DMD: variants seen among roughly 807,000 people sequenced by gnomAD.
The protein encoded by DMD is mutant dystrophin.
DMD carries 63 observed loss-of-function variants against 330.1 expected under a neutral mutation model. The ratio of observed to expected loss-of-function variants is 0.19; its 90% CI spans 0.16 to 0.24. The LOEUF (loss-of-function observed/expected upper bound fraction) is 0.24, where lower values mean the gene tolerates loss of function less well. Among genes scored for constraint, DMD ranks in the 10% least tolerant of loss-of-function variants. The pLI is 1.00. For synonymous variants in DMD, 1,223 were observed against 959.8 expected, an observed-to-expected ratio of 1.27 and a Z score of -5.07; for missense variants, 3,344 against 2,684.1, an observed-to-expected ratio of 1.25 and a Z score of -5.43.
rs1253134683 is a variant in DMD, at chrX:32,787,224, G to GTA, written c.649+22268_649+22269insTA. 1.2e-3 allele frequency among the ~76,000 whole-genome samples: 116 copies of GTA among 98,513 alleles called. 1 individual carries two copies. The highest frequency in any genetic ancestry group is 2.0e-3 in the Non-Finnish European group (98 of 47,928). 85.5% of individuals were successfully genotyped at this position (98,513 alleles called of 115,157 possible). On this transcript the variant is annotated intron_variant, in intron 7 of 78. Transcript: ENST00000357033. ...CAATCTCTCTGTCAAGTGTGTGTGTGTGTGTGTGTGTGTGTGTGTGTGTGA... is the reference window on the plus strand; with the variant it reads ...CAATCTCTCTGTCAAGTGTGTGTGTGTATGTGTGTGTGTGTGTGTGTGTGTGA...
intron 13 of DMD, among the ~76,000 whole-genome samples, chrX:32,588,830 T>G (rs188487390): frequency 8.9e-6 from 1 of 111,813 alleles, no homozygotes; most frequent in Admixed American, 9.5e-5. Flanking sequence ...CAGGGATGAA[T>G]TTGGGGATGA....
intron 52 of DMD, among the ~76,000 whole-genome samples, chrX:31,722,958 G>A (rs1485406502): frequency 9.0e-6 from 1 of 110,528 alleles, no homozygotes; most frequent in African/African-American, 3.3e-5. Flanking sequence ...TGAGGCAAGA[G>A]AATAGCTTGA....
intron 55 of DMD, among the ~76,000 whole-genome samples, chrX:31,575,967 A>C (rs971702449): frequency 4.5e-5 from 5 of 112,142 alleles, no homozygotes; most frequent in African/African-American, 1.6e-4. Flanking sequence ...ATTAGCCACT[A>C]GTTACAGAGA....
At chrX:31,298,870 G>A (rs11797956) in intron 62 of DMD, among the ~76,000 whole-genome samples, 36,880 of 111,116 alleles carry the variant, frequency 0.33, 5,547 homozygotes, top group African/African-American at 0.58. Flanking sequence ...AAAATTCTAT[G>A]TAGACTTAGA....
At chrX:31,127,209 TG>T (rs2033842101) in intron 77 of DMD, among the ~76,000 whole-genome samples, 1 of 111,929 alleles carries the variant, frequency 8.9e-6, no homozygotes, top group Admixed American at 9.5e-5. Context: ...ATGATGAAAT[TG>T]GAGGCATTTG....
intron 7 of DMD, among the ~76,000 whole-genome samples, chrX:32,730,250 C>T (rs768988092): frequency 4.3e-4 from 48 of 112,296 alleles, no homozygotes; most frequent in African/African-American, 1.5e-3. Flanking sequence ...GGAGGCTGAG[C>T]TAGAAGGATC....
chrX:32,717,446 A>T (rs757007294), intron 7 of DMD, among the ~76,000 whole-genome samples: 120 of 111,844 alleles, frequency 1.1e-3, no homozygotes, highest in African/African-American at 3.8e-3. Flanking sequence ...AAGTGTGCAG[A>T]GTGTGAGAGT....
intron 52 of DMD, among the ~76,000 whole-genome samples, chrX:31,693,917 A>G (rs1335863172): frequency 8.9e-6 from 1 of 111,964 alleles, no homozygotes; most frequent in Non-Finnish European, 1.9e-5. Flanking sequence ...AAAAAATCCT[A>G]AAATTTGCAT....
At chrX:32,530,677 G>C (rs2047396431) in intron 17 of DMD, among the ~76,000 whole-genome samples, 2 of 111,839 alleles carry the variant, frequency 1.8e-5, no homozygotes, top group Admixed American at 1.9e-4. Context: ...AAACACGTGG[G>C]CAAAAACTGC....
At chrX:31,164,185 C>T (rs764000342) in intron 74 of DMD, among the ~76,000 whole-genome samples, 3 of 111,981 alleles carry the variant, frequency 2.7e-5, no homozygotes, top group South Asian at 3.8e-4. Flanking sequence ...TACATGCTCC[C>T]GGGATATATA....
At chrX:31,819,513 G>A (rs373945877) in intron 50 of DMD, among the ~76,000 whole-genome samples, 5 of 112,438 alleles carry the variant, frequency 4.4e-5, no homozygotes, top group East Asian at 5.6e-4. Context: ...AATTGCCTTC[G>A]GCCTCAGAAA....
chrX:33,053,836 T>C (rs777212712), intron 1 of DMD, among the ~76,000 whole-genome samples: 1 of 107,298 alleles, frequency 9.3e-6, no homozygotes, highest in South Asian at 4.4e-4. Flanking sequence ...GTACGTACAA[T>C]GTCGTTCTTG....
At chrX:32,569,314 T>C (rs1468875720) in intron 15 of DMD, among the ~76,000 whole-genome samples, 2 of 112,223 alleles carry the variant, frequency 1.8e-5, no homozygotes, top group Middle Eastern at 4.7e-3. Flanking sequence ...ATTTCTCCTA[T>C]ATTGGCAAAA....
chrX:31,430,995 AT>A (rs1442247064), intron 60 of DMD, among the ~76,000 whole-genome samples: 1 of 106,642 alleles, frequency 9.4e-6, no homozygotes, highest in Non-Finnish European at 1.9e-5. Flanking sequence ...TAGAGACAGG[AT>A]TTCACCATTT....
intron 9 of DMD, among the ~76,000 whole-genome samples, chrX:32,686,111 A>G (rs2062840514): frequency 8.9e-6 from 1 of 111,970 alleles, no homozygotes; most frequent in Admixed American, 9.5e-5. Context: ...AAGTTTGGTA[A>G]CAAGTTTATG....
intron 55 of DMD, among the ~76,000 whole-genome samples, chrX:31,600,330 T>A (rs1050443676): frequency 9.0e-6 from 1 of 111,365 alleles, no homozygotes; most frequent in African/African-American, 3.3e-5. Context: ...TACTGTTGAA[T>A]ACTAATAGAA....
At chrX:32,861,128 T>C (rs1202085553) in intron 2 of DMD, among the ~76,000 whole-genome samples, 1 of 112,022 alleles carries the variant, frequency 8.9e-6, no homozygotes, top group African/African-American at 3.2e-5. Context: ...AAAGAGCATG[T>C]ATCATTACCT....
chrX:31,564,886 T>C (rs995634646), intron 55 of DMD, among the ~76,000 whole-genome samples: 1 of 112,140 alleles, frequency 8.9e-6, no homozygotes, highest in African/African-American at 3.2e-5. Flanking sequence ...ATACTTTCTG[T>C]ATTACAGAAG....
chrX:32,051,858 A>C (rs2096118179), intron 44 of DMD, among the ~76,000 whole-genome samples: 1 of 111,151 alleles, frequency 9.0e-6, no homozygotes, highest in Admixed American at 9.6e-5. Context: ...TCTCTCCACC[A>C]CAAGCAAACC....
Sources: allele counts gnomAD v4.1 joint callset (sites outside exome capture counted in the v4.1 genomes callset), GRCh38; gene constraint gnomAD v4.1.1; transcripts MANE v1.5; gene names NCBI Gene and HGNC (gene_info 2026-07-23, HGNC 2026-07-21).